SNX7: variants seen among roughly 807,000 people sequenced by gnomAD.
SNX7 encodes the protein sorting nexin-7.
SNX7 carries 35 observed loss-of-function variants against 48.4 expected under a neutral mutation model. That is an observed-to-expected ratio of 0.72 (90% CI 0.55 to 0.96). The LOEUF (loss-of-function observed/expected upper bound fraction) is 0.96. Ranked by LOEUF, SNX7 falls within the 40% of genes least tolerant of loss-of-function variation. SNX7 has a pLI of 0.00. For missense variants in SNX7, 553 were observed against 548.9 expected (o/e 1.01, Z -0.07); for synonymous variants, 190 against 190.2 (o/e 1.00, Z 0.01).
intron 6 of SNX7, among the ~76,000 whole-genome samples, chr1:98,701,044 AAG>A (rs1186705807): frequency 6.6e-6 from 1 of 152,200 alleles, no homozygotes; most frequent in Non-Finnish European, 1.5e-5. Context: ...TACAAATAAA[AAG>A]AGTCCTTGTA....
At chr1:98,740,831 C>T (rs998100178) in intron 8 of SNX7, among the ~76,000 whole-genome samples, 1 of 152,110 alleles carries the variant, frequency 6.6e-6, no homozygotes, top group African/African-American at 2.4e-5. Context: ...TATATTGTGT[C>T]CTCCATCTTA....
chr1:98,703,348 C>T (rs1229141137), intron 7 of SNX7, among the ~76,000 whole-genome samples: 1 of 152,092 alleles, frequency 6.6e-6, no homozygotes, highest in Non-Finnish European at 1.5e-5. Flanking sequence ...GTCCTTGTGT[C>T]TACGAAGTCT....
At chr1:98,720,113 C>T (rs1652788036) in intron 7 of SNX7, among the ~76,000 whole-genome samples, 1 of 151,826 alleles carries the variant, frequency 6.6e-6, no homozygotes, top group African/African-American at 2.4e-5. Flanking sequence ...CAAGACCATA[C>T]TGTGTCAATA....
chr1:98,681,393 G>A (rs1359116816), intron 1 of SNX7, among the ~76,000 whole-genome samples: 3 of 152,158 alleles, frequency 2.0e-5, no homozygotes, highest in Admixed American at 6.5e-5. Flanking sequence ...AGGAGTTTGA[G>A]ACCAGCCAGG....
intron 8 of SNX7, among the ~76,000 whole-genome samples, chr1:98,744,769 C>T (rs759277260): frequency 4.6e-5 from 7 of 151,868 alleles, no homozygotes; most frequent in Admixed American, 3.9e-4. Context: ...TCCATTGCTG[C>T]AAAAAAGAGA....
intron 8 of SNX7, among the ~76,000 whole-genome samples, chr1:98,750,095 G>A (rs1185564718): frequency 1.3e-5 from 2 of 151,778 alleles, no homozygotes; most frequent in African/African-American, 4.8e-5. Context: ...GGAAGGTGTG[G>A]CTTTTACATA....
intron 1 of SNX7, among the ~76,000 whole-genome samples, chr1:98,663,609 C>G (rs1009575690): frequency 2.6e-5 from 4 of 152,080 alleles, no homozygotes; most frequent in African/African-American, 9.7e-5. Context: ...AGGTCCCGAC[C>G]AGAAGCATTT....
intron 7 of SNX7, among the ~76,000 whole-genome samples, chr1:98,715,197 A>G (rs1033671524): frequency 6.6e-6 from 1 of 152,162 alleles, no homozygotes; most frequent in Non-Finnish European, 1.5e-5. Flanking sequence ...ACAGTCTTTC[A>G]TCTTCCCTTA....
chr1:98,723,123 G>A (rs183123296), intron 7 of SNX7, among the ~76,000 whole-genome samples: 69 of 152,236 alleles, frequency 4.5e-4, no homozygotes, highest in African/African-American at 1.5e-3. Context: ...TCTAATGAAT[G>A]CTAAGGAAAT....
chr1:98,673,892 A>C (rs907152434), intron 1 of SNX7, among the ~76,000 whole-genome samples: 1 of 152,224 alleles, frequency 6.6e-6, no homozygotes, highest in Non-Finnish European at 1.5e-5. Flanking sequence ...GAAAACTCTC[A>C]GTATTTGCTA....
intron 1 of SNX7, among the ~76,000 whole-genome samples, chr1:98,682,659 A>G (rs748179676): frequency 1.3e-5 from 2 of 152,138 alleles, no homozygotes; most frequent in Non-Finnish European, 2.9e-5. Flanking sequence ...GATTCCCAAG[A>G]TTCCTCCTTT....
chr1:98,746,909 T>C (rs1030158396), intron 8 of SNX7, among the ~76,000 whole-genome samples: 14 of 152,084 alleles, frequency 9.2e-5, no homozygotes, highest in Non-Finnish European at 1.5e-4. Flanking sequence ...CAAAGTTAGT[T>C]TGAATAAGAT....
intron 1 of SNX7, among the ~76,000 whole-genome samples, chr1:98,674,810 G>A (rs1018471696): frequency 7.9e-5 from 12 of 152,236 alleles, no homozygotes; most frequent in African/African-American, 2.6e-4. Flanking sequence ...TTGTTTTGGA[G>A]TAAGGATAAA....
Position 98,760,362 on chromosome 1 carries a change from A to G in SNX7, c.*231A>G, listed in dbSNP as rs1468060429. On this transcript the variant is annotated 3_prime_UTR_variant, in exon 9 of 9. Transcript: ENST00000306121. Reference sequence around the variant, plus strand: ...TATAGATATATAAATACAGAGAGATATCTGGCTTGGTTTTAATTATGTTCT... The same window carrying G: ...TATAGATATATAAATACAGAGAGATGTCTGGCTTGGTTTTAATTATGTTCT... The G allele has an allele frequency of 5.7e-6, 2 of 352,760 alleles. No individual in the cohort carries two copies. The highest frequency in any genetic ancestry group is 1.0e-5 in the Non-Finnish European group (2 of 195,834). 21.9% of individuals were successfully genotyped at this position (352,760 alleles called of 1,614,324 possible). A position where few individuals can be genotyped will look rare whatever the true frequency, so the allele number is the denominator to read the frequency against.
chr1:98,732,848 A>T (rs1199858662), intron 7 of SNX7, among the ~76,000 whole-genome samples: 1 of 152,146 alleles, frequency 6.6e-6, no homozygotes, highest in Non-Finnish European at 1.5e-5. Flanking sequence ...AACATCAAAT[A>T]AAAAACCTTG....
intron 1 of SNX7, among the ~76,000 whole-genome samples, chr1:98,672,036 T>C (rs1570487663): frequency 6.6e-6 from 1 of 152,292 alleles, no homozygotes; most frequent in Middle Eastern, 3.4e-3. Context: ...AAAAAATGAA[T>C]CCCTAATTTG....
intron 8 of SNX7, among the ~76,000 whole-genome samples, chr1:98,743,213 G>C (rs184552284): frequency 6.6e-6 from 1 of 151,838 alleles, no homozygotes. Flanking sequence ...TAAACACAGG[G>C]GTGGCGTGGC....
intron 1 of SNX7, among the ~76,000 whole-genome samples, chr1:98,668,470 G>A (rs1322806073): frequency 6.6e-6 from 1 of 152,148 alleles, no homozygotes; most frequent in Non-Finnish European, 1.5e-5. Context: ...TTGGAATACT[G>A]TGTTAAGATG....
intron 1 of SNX7, among the ~76,000 whole-genome samples, chr1:98,670,602 T>C (rs1282839337): frequency 6.6e-6 from 1 of 152,220 alleles, no homozygotes; most frequent in Non-Finnish European, 1.5e-5. Flanking sequence ...CAGTAACATG[T>C]ACAGGTTTGT....
Sources: allele counts gnomAD v4.1 joint callset (sites outside exome capture counted in the v4.1 genomes callset), GRCh38; gene constraint gnomAD v4.1.1; transcripts MANE v1.5; gene names NCBI Gene and HGNC (gene_info 2026-07-23, HGNC 2026-07-21).